The following GAB4 variants were observed in gnomAD, a reference collection of about 807,000 sequenced individuals.
The protein encoded by GAB4 is GRB2-associated-binding protein 4.
Under a neutral mutation model 51.3 loss-of-function variants are expected in GAB4, and 26 were observed. That is an observed-to-expected ratio of 0.51 (90% CI 0.37 to 0.70). GAB4 has a LOEUF of 0.70. Among genes scored for constraint, GAB4 ranks in the 30% least tolerant of loss-of-function variants. The probability of loss-of-function intolerance (pLI) is 0.00; values close to 1 mark genes in which losing one functional copy is unlikely to be tolerated. For missense variants in GAB4, 759 were observed against 734.6 expected, an observed-to-expected ratio of 1.03 and a Z score of -0.38; for synonymous variants, 329 against 291.2, an observed-to-expected ratio of 1.13 and a Z score of -1.32.
At chr22:17,006,888 C>T (rs541973054) in intron 1 of GAB4, among the ~76,000 whole-genome samples, 3 of 152,078 alleles carry the variant, frequency 2.0e-5, no homozygotes, top group East Asian at 3.9e-4. Flanking sequence ...GATAGCATTA[C>T]GAGAAATACC....
In GAB4 at chr22:16,986,069, T is replaced by C. The variant is rs578232599; in HGVS notation, c.686+1891A>G. 3.3e-5 allele frequency among the ~76,000 whole-genome samples: 5 copies of C among 152,320 alleles called. No homozygotes were observed. In the South Asian group the frequency reaches 8.3e-4, roughly 25 times the overall value. ...ACAGAGGAGGAAGGAATACAGAAAG[T>C]GGACCCTCACTGCTCATGCAGGCAG... is the stretch of plus-strand genomic sequence containing the variant. On this transcript the variant is annotated intron_variant, in intron 3 of 9. Coordinates refer to ENST00000400588, the MANE Select transcript of GAB4 (RefSeq NM_001037814.1).
chr22:16,982,730 A>C (rs8138633), intron 3 of GAB4, among the ~76,000 whole-genome samples: 17,948 of 152,194 alleles, frequency 0.12, 1,194 homozygotes, highest in Admixed American at 0.17. Context: ...AACTGGAGGA[A>C]TCATATTACC....
chr22:17,004,058 A>T (rs1055293208), intron 1 of GAB4, among the ~76,000 whole-genome samples: 5 of 152,218 alleles, frequency 3.3e-5, no homozygotes, highest in African/African-American at 1.2e-4. Context: ...TATGCAAATA[A>T]ACTAGGAAAT....
intron 2 of GAB4, among the ~76,000 whole-genome samples, chr22:16,991,244 T>C (rs78175391): frequency 0.017 from 2,598 of 151,640 alleles, 39 homozygotes; most frequent in Non-Finnish European, 0.026. Flanking sequence ...ATTTTACAAA[T>C]GTCCCTCCTT....
intron 5 of GAB4, chr22:16,967,419 G>A (rs114793108): frequency 0.019 from 2,972 of 152,608 alleles, 71 homozygotes; most frequent in African/African-American, 0.064. Flanking sequence ...GTCCTGACTC[G>A]GCACTGGCAG....
At chr22:17,000,783 G>T (rs1424512956) in intron 1 of GAB4, among the ~76,000 whole-genome samples, 1 of 152,158 alleles carries the variant, frequency 6.6e-6, no homozygotes, top group South Asian at 2.1e-4. Flanking sequence ...TGCAAAGGTT[G>T]TCCTTTCCAT....
chr22:16,971,809 T>C (rs1452596259), intron 3 of GAB4, among the ~76,000 whole-genome samples: 1 of 152,068 alleles, frequency 6.6e-6, no homozygotes, highest in African/African-American at 2.4e-5. Context: ...CTTAGAAAAA[T>C]GAAGGGAAGC....
chr22:16,964,210 T>C (rs370700834), intron 8 of GAB4, among the ~76,000 whole-genome samples: 9 of 152,250 alleles, frequency 5.9e-5, no homozygotes, highest in East Asian at 5.8e-4. Context: ...GCCTCCTCTC[T>C]AGAAGGCTGC....
chr22:16,980,735 T>G (rs2060820546), intron 3 of GAB4, among the ~76,000 whole-genome samples: 1 of 152,144 alleles, frequency 6.6e-6, no homozygotes, highest in African/African-American at 2.4e-5. Context: ...CTATTCACAA[T>G]AGCAAAGACT....
intron 3 of GAB4, 114 bp downstream of exon 3, chr22:16,987,846 C>A (rs2060880572): frequency 1.3e-6 from 1 of 779,506 alleles, no homozygotes; most frequent in African/African-American, 1.8e-5. Context: ...GTTTGCTTAC[C>A]TGGAAAGATA....
intron 2 of GAB4, among the ~76,000 whole-genome samples, chr22:16,988,801 C>G (rs1192865169): frequency 6.6e-6 from 1 of 152,218 alleles, no homozygotes; most frequent in Non-Finnish European, 1.5e-5. Context: ...CTTTCCTATA[C>G]CCACGACCAA....
At chr22:16,978,690 G>A (rs2123677865) in intron 3 of GAB4, among the ~76,000 whole-genome samples, 1 of 152,264 alleles carries the variant, frequency 6.6e-6, no homozygotes, top group African/African-American at 2.4e-5. Flanking sequence ...TGTGAGGCCA[G>A]CATCATCCTG....
chr22:16,989,282 G>T (rs1371453639), intron 2 of GAB4, among the ~76,000 whole-genome samples: 1 of 152,206 alleles, frequency 6.6e-6, no homozygotes, highest in Non-Finnish European at 1.5e-5. Flanking sequence ...ATGTTTGGGT[G>T]GTGTTGATGG....
At chr22:16,975,674 G>A (rs2060771679) in intron 3 of GAB4, among the ~76,000 whole-genome samples, 1 of 152,214 alleles carries the variant, frequency 6.6e-6, no homozygotes. Context: ...GGGACAGACT[G>A]CCTCCTCAAG....
At chr22:16,964,038 C>G (rs773278815) in intron 8 of GAB4, among the ~76,000 whole-genome samples, 1 of 152,124 alleles carries the variant, frequency 6.6e-6, no homozygotes, top group Admixed American at 6.5e-5. Flanking sequence ...GATGCTGCAC[C>G]CAGTCAGTCA....
chr22:16,967,479 G>C (rs1569090728), intron 5 of GAB4: 1 of 152,306 alleles, frequency 6.6e-6, no homozygotes, highest in Non-Finnish European at 1.5e-5. Context: ...AGATGTCTTG[G>C]CCCTGGAAGG....
At chr22:16,976,548 G>C (rs142148273) in intron 3 of GAB4, among the ~76,000 whole-genome samples, 2 of 152,198 alleles carry the variant, frequency 1.3e-5, no homozygotes, top group African/African-American at 4.8e-5. Context: ...TTTGATTGGT[G>C]TATGTGAAAA....
intron 3 of GAB4, among the ~76,000 whole-genome samples, chr22:16,985,462 A>T (rs2060859611): frequency 6.6e-6 from 1 of 152,194 alleles, no homozygotes; most frequent in Non-Finnish European, 1.5e-5. Flanking sequence ...CAGAGTTTTG[A>T]TTGTTCTTCA....
At chr22:16,978,882 A>G (rs748512667) in intron 3 of GAB4, among the ~76,000 whole-genome samples, 4 of 152,138 alleles carry the variant, frequency 2.6e-5, no homozygotes, top group Non-Finnish European at 4.4e-5. Flanking sequence ...TCAACATACG[A>G]AAATCAATAA....
Sources: allele counts gnomAD v4.1 joint callset (sites outside exome capture counted in the v4.1 genomes callset), GRCh38; gene constraint gnomAD v4.1.1; transcripts MANE v1.5; gene names NCBI Gene and HGNC (gene_info 2026-07-23, HGNC 2026-07-21).